Variants in CLIC4 observed in about 807,000 individuals in gnomAD.
CLIC4 encodes chloride intracellular channel protein 4.
Under a neutral mutation model 24.6 loss-of-function variants are expected in CLIC4, and 13 were observed. The observed-to-expected ratio is 0.53, with a 90% CI of 0.34 to 0.84. The LOEUF (loss-of-function observed/expected upper bound fraction) is 0.84. Ranked by LOEUF, CLIC4 falls within the 40% of genes least tolerant of loss-of-function variation. The probability of loss-of-function intolerance (pLI) is 0.01; values close to 1 mark genes in which losing one functional copy is unlikely to be tolerated. For missense variants in CLIC4, 227 were observed against 301.7 expected, an observed-to-expected ratio of 0.75 and a Z score of 1.83; for synonymous variants, 104 against 111.3, an observed-to-expected ratio of 0.93 and a Z score of 0.41.
intron 1 of CLIC4, among the ~76,000 whole-genome samples, chr1:24,783,465 A>G (rs1639229900): frequency 6.6e-6 from 1 of 151,914 alleles, no homozygotes; most frequent in Non-Finnish European, 1.5e-5. Flanking sequence ...ACTTGGGGAG[A>G]CTGAGGCAGA....
chr1:24,839,310 T>G (rs2124178863), intron 4 of CLIC4, among the ~76,000 whole-genome samples: 1 of 152,200 alleles, frequency 6.6e-6, no homozygotes, highest in East Asian at 1.9e-4. Context: ...TGTTAGCAAG[T>G]TTTTTTTGAG....
intron 1 of CLIC4, among the ~76,000 whole-genome samples, chr1:24,794,448 T>C (rs760669563): frequency 1.3e-5 from 2 of 152,176 alleles, no homozygotes; most frequent in African/African-American, 2.4e-5. Context: ...ATCAGTGATA[T>C]TGAACTTTTT....
chr1:24,779,402 C>T lies in CLIC4; in HGVS notation c.73-18340C>T, dbSNP rs1426795553. ...GGAGGATCGCTTGAACCCAGGAGGT[C>T]AAGGCTGCAGTGAGCCGTGATTGCG... On this transcript the variant is annotated intron_variant, in intron 1 of 5. Coordinates refer to ENST00000374379, the MANE Select transcript of CLIC4 (RefSeq NM_013943.3). Among the ~76,000 whole-genome samples, 3 of 152,186 alleles carry T rather than the reference C, an allele frequency of 2.0e-5. No individual in the cohort carries two copies. In the East Asian group the frequency reaches 5.8e-4, roughly 29 times the overall value.
intron 1 of CLIC4, among the ~76,000 whole-genome samples, chr1:24,781,203 C>T (rs1359065639): frequency 6.9e-6 from 1 of 145,162 alleles, no homozygotes; most frequent in Admixed American, 6.9e-5. Flanking sequence ...GGCACAATCT[C>T]AGCTCACTGC....
intron 2 of CLIC4, among the ~76,000 whole-genome samples, chr1:24,802,451 A>G (rs980726739): frequency 6.6e-6 from 1 of 152,182 alleles, no homozygotes; most frequent in African/African-American, 2.4e-5. Flanking sequence ...CAAAGAAGAT[A>G]TATGTTTATT....
At chr1:24,769,309 G>C (rs1176584608) in intron 1 of CLIC4, among the ~76,000 whole-genome samples, 1 of 152,176 alleles carries the variant, frequency 6.6e-6, no homozygotes, top group Non-Finnish European at 1.5e-5. Flanking sequence ...CAGAATAATG[G>C]TCATGAGGTA....
chr1:24,752,575 C>G (rs1245793749), intron 1 of CLIC4, among the ~76,000 whole-genome samples: 4 of 152,192 alleles, frequency 2.6e-5, no homozygotes, highest in Non-Finnish European at 5.9e-5. Context: ...TACTTCCGGT[C>G]ACATTCTATT....
chr1:24,798,500 A>G (rs1477163934), intron 2 of CLIC4, among the ~76,000 whole-genome samples: 4 of 152,184 alleles, frequency 2.6e-5, no homozygotes, highest in Non-Finnish European at 5.9e-5. Flanking sequence ...AAGAGCCGTG[A>G]TGAGTAGAAA....
At chr1:24,762,841 C>T (rs1378063042) in intron 1 of CLIC4, among the ~76,000 whole-genome samples, 4 of 152,094 alleles carry the variant, frequency 2.6e-5, no homozygotes, top group African/African-American at 7.2e-5. Flanking sequence ...GTAGAAGACA[C>T]AGGTTGATAG....
intron 2 of CLIC4, among the ~76,000 whole-genome samples, chr1:24,801,149 C>G (rs896443953): frequency 1.3e-5 from 2 of 151,658 alleles, no homozygotes; most frequent in Non-Finnish European, 2.9e-5. Context: ...ATGCAAGTGT[C>G]ACAACATGAT....
At chr1:24,818,386 AAGT>A (rs1639692909) in intron 3 of CLIC4, among the ~76,000 whole-genome samples, 1 of 152,066 alleles carries the variant, frequency 6.6e-6, no homozygotes, top group Non-Finnish European at 1.5e-5. Context: ...TCCTGGGTTC[AAGT>A]GATTCTTGTG....
chr1:24,762,794 A>G (rs908595939), intron 1 of CLIC4, among the ~76,000 whole-genome samples: 9 of 152,200 alleles, frequency 5.9e-5, no homozygotes, highest in Non-Finnish European at 1.2e-4. Flanking sequence ...GACTGGAGTC[A>G]GTGTGTAAAG....
At chr1:24,793,909 G>C (rs1639368456) in intron 1 of CLIC4, among the ~76,000 whole-genome samples, 1 of 152,074 alleles carries the variant, frequency 6.6e-6, no homozygotes, top group African/African-American at 2.4e-5. Flanking sequence ...AGTTACTTTA[G>C]GATAATGAAC....
chr1:24,823,960 T>G (rs1449575024), intron 3 of CLIC4, among the ~76,000 whole-genome samples: 1 of 152,172 alleles, frequency 6.6e-6, no homozygotes, highest in Non-Finnish European at 1.5e-5. Context: ...TCTGAAAGTC[T>G]AAATACCCTG....
At chr1:24,837,422 T>G (rs1639897015) in intron 4 of CLIC4, among the ~76,000 whole-genome samples, 1 of 152,126 alleles carries the variant, frequency 6.6e-6, no homozygotes, top group Non-Finnish European at 1.5e-5. Flanking sequence ...AAAAGAAAAC[T>G]CCAGATCCAG....
chr1:24,827,602 C>T lies in CLIC4; in HGVS notation c.415+486C>T, dbSNP rs542941947. ...TGTTGTTGTTGTTTTTGCTAATTAC[C>T]CTTGAGCAATGTTTGGAGTTGCTTT... On this transcript the variant is annotated intron_variant, in intron 4 of 5. Coordinates refer to ENST00000374379, the MANE Select transcript of CLIC4 (RefSeq NM_013943.3). Among the ~76,000 whole-genome samples the T allele has an allele frequency of 3.3e-5, 5 of 149,342 alleles. No homozygotes were observed. The East Asian group carries it at 9.8e-4, about 29-fold the overall frequency.
chr1:24,757,020 C>G (rs1443407189), intron 1 of CLIC4, among the ~76,000 whole-genome samples: 1 of 152,138 alleles, frequency 6.6e-6, no homozygotes, highest in Non-Finnish European at 1.5e-5. Flanking sequence ...CTCAGCCTCC[C>G]AAGTAGCTGA....
rs1014261500 is a variant in CLIC4 at position 24,745,499 on chromosome 1, A to AAGCAGC, written c.-39_-34dup. On this transcript the variant is annotated 5_prime_UTR_variant, in exon 1 of 6. Coordinates refer to ENST00000374379, the MANE Select transcript of CLIC4 (RefSeq NM_013943.3). ...GGCAGCCGGAGCAGTCCCGGAGCAG[A>AAGCAGC]AGCAGCAGCAGCAGCAGCAGCCCTC... 1.3e-4 allele frequency: 196 copies of AAGCAGC among 1,492,158 alleles called. 1 individual carries two copies. The highest frequency in any genetic ancestry group is 4.6e-4 in the Admixed American group (23 of 49,522). The allele number at this position is 1,492,158 out of a possible 1,614,324, so 92.4% of individuals were successfully genotyped here.
chr1:24,765,966 C>T (rs903089963), intron 1 of CLIC4, among the ~76,000 whole-genome samples: 2 of 151,910 alleles, frequency 1.3e-5, no homozygotes, highest in African/African-American at 2.4e-5. Context: ...CGCCCACCAT[C>T]ATGCCCGGCT....
Sources: allele counts gnomAD v4.1 joint callset (sites outside exome capture counted in the v4.1 genomes callset), GRCh38; gene constraint gnomAD v4.1.1; transcripts MANE v1.5; gene names NCBI Gene and HGNC (gene_info 2026-07-23, HGNC 2026-07-21).